Variants in DLGAP3 observed in about 807,000 individuals in gnomAD.
DLGAP3 encodes the protein DLG associated protein 3, also known as disks large-associated protein 3.
In DLGAP3, 17 loss-of-function variants were observed where a neutral mutation model predicts 81.2. That is an observed-to-expected ratio of 0.21 (90% CI 0.14 to 0.31). DLGAP3 has a LOEUF of 0.31. DLGAP3 is among the 10% of genes least tolerant of loss of function. The pLI, the probability that DLGAP3 is intolerant of heterozygous loss-of-function variation, is 1.00. For synonymous variants in DLGAP3, 577 were observed against 587.4 expected (o/e 0.98, Z 0.26); for missense variants, 1,124 against 1,388.0 (o/e 0.81, Z 3.02).
At chr1:34,913,277 A>G (rs1250785150) in intron 1 of DLGAP3, among the ~76,000 whole-genome samples, 7 of 152,226 alleles carry the variant, frequency 4.6e-5, no homozygotes, top group Non-Finnish European at 1.0e-4. Context: ...CACTCGAGCC[A>G]TTTAGGCAGA....
chr1:34,910,106 G>T (rs972736316), intron 1 of DLGAP3, among the ~76,000 whole-genome samples: 1 of 152,122 alleles, frequency 6.6e-6, no homozygotes, highest in Non-Finnish European at 1.5e-5. Flanking sequence ...CCGCTATCTT[G>T]CCACCACAAA....
chr1:34,874,269 G>T (rs542661115), intron 8 of DLGAP3, among the ~76,000 whole-genome samples: 1 of 152,252 alleles, frequency 6.6e-6, no homozygotes, highest in East Asian at 1.9e-4. Context: ...ACTCTCCCTG[G>T]ATTTCCTCTA....
In DLGAP3 at chr1:34,892,364, A is replaced by G. The variant is rs1002499366; in HGVS notation, c.1387-6079T>C. 1.4e-4 allele frequency among the ~76,000 whole-genome samples: 22 copies of G among 152,038 alleles called. No individual in the cohort carries two copies. The South Asian group carries it at 3.5e-3, about 24-fold the overall frequency. ...CAGCCTCAGAGGCCTATGGGACAAC[A>G]TCAAGCATAGCACCATGCATGTGAT... is the stretch of plus-strand genomic sequence containing the variant. On this transcript the variant is annotated intron_variant, in intron 5 of 11. Coordinates refer to ENST00000373347, the MANE Select transcript of DLGAP3 (RefSeq NM_001080418.3).
intron 2 of DLGAP3, among the ~76,000 whole-genome samples, chr1:34,905,941 A>AG (rs1362317086): frequency 6.8e-6 from 1 of 147,356 alleles, no homozygotes. Flanking sequence ...AAGAGCTCAA[A>AG]GCTGCAGTGA....
intron 8 of DLGAP3, among the ~76,000 whole-genome samples, chr1:34,881,994 A>T (rs1300699986): frequency 6.6e-6 from 1 of 152,268 alleles, no homozygotes; most frequent in Non-Finnish European, 1.5e-5. Flanking sequence ...CAGAAGTCCT[A>T]TTCAATGCAA....
intron 5 of DLGAP3, among the ~76,000 whole-genome samples, chr1:34,892,909 A>T (rs1358474824): frequency 6.6e-6 from 1 of 151,832 alleles, no homozygotes; most frequent in Non-Finnish European, 1.5e-5. Flanking sequence ...GCGGTGGCTC[A>T]CGCCTGTAAT....
intron 6 of DLGAP3, 120 bp downstream of exon 6, chr1:34,885,952 A>G: frequency 8.2e-7 from 1 of 1,212,992 alleles, no homozygotes; most frequent in South Asian, 1.5e-5. Context: ...TCTCCCCGTC[A>G]TCCGACCCCG....
chr1:34,876,925 T>C (rs1261564605), intron 8 of DLGAP3, among the ~76,000 whole-genome samples: 1 of 152,188 alleles, frequency 6.6e-6, no homozygotes, highest in Non-Finnish European at 1.5e-5. Flanking sequence ...CCCAGACCAC[T>C]GATCAATAGA....
At chr1:34,871,979 C>T (rs910007075) in intron 8 of DLGAP3, among the ~76,000 whole-genome samples, 13 of 152,132 alleles carry the variant, frequency 8.5e-5, no homozygotes, top group Non-Finnish European at 1.9e-4. Context: ...GAGATGTGTA[C>T]AGCACAAGCA....
intron 5 of DLGAP3, among the ~76,000 whole-genome samples, chr1:34,886,566 T>C (rs867718239): frequency 6.6e-5 from 9 of 136,446 alleles, no homozygotes; most frequent in African/African-American, 2.2e-4. Flanking sequence ...GGTGTCTGGC[T>C]GGCTGCACTC....
intron 8 of DLGAP3, among the ~76,000 whole-genome samples, chr1:34,883,951 C>G (rs1639182226): frequency 6.6e-6 from 1 of 152,006 alleles, no homozygotes; most frequent in African/African-American, 2.4e-5. Flanking sequence ...GATAGTCTCA[C>G]TCAGTCACCC....
chr1:34,904,396 T>C lies in DLGAP3; in HGVS notation c.988A>G (p.Ser330Gly), dbSNP rs748295748. 6.2e-7 allele frequency: 1 copy of C among 1,613,884 alleles called. No homozygotes were observed. The highest frequency in any genetic ancestry group is 1.1e-5 in the South Asian group (1 of 91,090). Residue 330 changes from serine (S) to glycine (G), a missense_variant, in exon 3 of 12, where the codon AGT (serine) becomes GGT (glycine). Coordinates refer to ENST00000373347, the MANE Select transcript of DLGAP3 (RefSeq NM_001080418.3). This position sits in a 1 kb window ranked among gnomAD's most constrained non-coding sequence, Gnocchi z 8.1. ...CTGACCATCATGGTATGCCAGGCAC[T>C]TCGCTTGACCGACTGTCCATCCAGT... ...MSLDGQSVKR[S>G]AWHTMMVSQG... is the part of the protein sequence containing the mutation.
Position 34,886,164 on chromosome 1 carries a change from T to C in DLGAP3, c.1508A>G (p.Tyr503Cys), listed in dbSNP as rs1374443928. 6.2e-7 allele frequency: 1 copy of C among 1,609,936 alleles called. No homozygotes were observed. The highest frequency in any genetic ancestry group is 1.3e-5 in the African/African-American group (1 of 74,838). ...PGCFRMRSHS[Y>C]LRAIQAGCSQ... ...GCAGCCGGCCTGGATGGCCCGGAGG[T>C]AGCTGTGGCTCCGCATGCGGAAACA... Residue 503 changes from tyrosine to cysteine, a missense_variant, in exon 6 of 12, where the codon TAC becomes TGC. Tyr to Cys is a radical substitution (Grantham distance 194). Coordinates refer to ENST00000373347, the MANE Select transcript of DLGAP3 (RefSeq NM_001080418.3).
chr1:34,912,146 T>C (rs966562199), intron 1 of DLGAP3, among the ~76,000 whole-genome samples: 2 of 152,226 alleles, frequency 1.3e-5, no homozygotes, highest in African/African-American at 4.8e-5. Flanking sequence ...GTAAAGCATA[T>C]AAATCCCTTA....
intron 8 of DLGAP3, among the ~76,000 whole-genome samples, chr1:34,882,226 C>A (rs375121949): frequency 6.6e-6 from 1 of 152,182 alleles, no homozygotes. Context: ...CCTGTAATCC[C>A]AGCACTTTGG....
rs566057750 is a variant in DLGAP3 at position 34,921,600 on chromosome 1, C to A, written c.-135+7851G>T. On this transcript the variant is annotated intron_variant, in intron 1 of 11. Transcript: ENST00000373347. ...CAAGTTATCTGAGGTCAAGGACCATCCCTAGTGCCCAGCACAGCATGTGGC... is the reference window on the plus strand; with the variant it reads ...CAAGTTATCTGAGGTCAAGGACCATACCTAGTGCCCAGCACAGCATGTGGC... 5.4e-4 allele frequency among the ~76,000 whole-genome samples: 82 copies of A among 152,332 alleles called. 1 individual carries two copies. The highest frequency in any genetic ancestry group is 4.4e-5 in the Non-Finnish European group (3 of 68,038).
At chr1:34,888,674 C>T (rs1269857685) in intron 5 of DLGAP3, among the ~76,000 whole-genome samples, 2 of 152,152 alleles carry the variant, frequency 1.3e-5, no homozygotes, top group Non-Finnish European at 2.9e-5. Context: ...AAAATCAATC[C>T]AAGACCCCGC....
rs1046527183 is a variant in DLGAP3 at position 34,873,635 on chromosome 1, G to A, written c.2001-4546C>T. Among the ~76,000 whole-genome samples the A allele has an allele frequency of 2.6e-5, 4 of 152,218 alleles. No individual in the cohort carries two copies. Among genetic ancestry groups the A allele is most frequent in the African/African-American group, 9.7e-5 (4 of 41,448 alleles). On this transcript the variant is annotated intron_variant, in intron 8 of 11. Transcript: ENST00000373347. The surrounding 1 kb of genome is among the most constrained non-coding windows in gnomAD (Gnocchi z 4.2). Reference sequence around the variant, plus strand: ...GCTGGACAAACACAATCATCGGAATGTAGCACTGAGAACCCGGCTAGGGCA... The same window carrying A: ...GCTGGACAAACACAATCATCGGAATATAGCACTGAGAACCCGGCTAGGGCA...
chr1:34,925,183 ACC>A lies in DLGAP3; in HGVS notation c.-135+4266_-135+4267del, dbSNP rs59300706. 1.3e-4 allele frequency among the ~76,000 whole-genome samples: 18 copies of A among 138,904 alleles called. 1 individual carries two copies. The highest frequency in any genetic ancestry group is 4.2e-4 in the African/African-American group (16 of 38,118). 91.1% of individuals were successfully genotyped at this position (138,904 alleles called of 152,430 possible). On this transcript the variant is annotated intron_variant, in intron 1 of 11. Coordinates refer to ENST00000373347, the MANE Select transcript of DLGAP3 (RefSeq NM_001080418.3). ...TCCCATCCACCGGGGGCACCTGACAACCCCCCCCCCACCTTCCCTCTATGTCC... is the reference window on the plus strand; with the variant it reads ...TCCCATCCACCGGGGGCACCTGACAACCCCCCCCACCTTCCCTCTATGTCC...
Sources: gnomAD v4.1 joint callset for allele counts (sites outside exome capture counted in the v4.1 genomes callset) on GRCh38, gnomAD v4.1.1 for gene constraint, Gnocchi (gnomAD v3.1) non-coding constraint, MANE v1.5 for transcripts, NCBI Gene and HGNC (gene_info 2026-07-23, HGNC 2026-07-21) for gene names.